The following SMC2 variants were observed in gnomAD, a reference collection of about 807,000 sequenced individuals.
SMC2 encodes the protein structural maintenance of chromosomes 2, also known as structural maintenance of chromosomes protein 2.
A neutral mutation model predicts 142.6 loss-of-function variants in SMC2; 41 were observed. That is an observed-to-expected ratio of 0.29 (90% confidence interval 0.22 to 0.37). SMC2 has a LOEUF of 0.37. SMC2 is among the 10% of genes least tolerant of loss of function. SMC2 has a pLI of 1.00. For synonymous variants in SMC2, 463 were observed against 457.5 expected (o/e 1.01, Z -0.15); for missense variants, 1,265 against 1,373.7 (o/e 0.92, Z 1.25).
upstream of SMC2, among the ~76,000 whole-genome samples, chr9:104,089,317 C>G (rs1218312176): frequency 6.6e-6 from 1 of 151,970 alleles, no homozygotes; most frequent in African/African-American, 2.4e-5. Flanking sequence ...AACAAAAAAT[C>G]TGAGAGTGAA....
chr9:104,138,317 G>A, intron 24 of SMC2, 152 bp downstream of exon 24: 3 of 590,990 alleles, frequency 5.1e-6, no homozygotes, highest in East Asian at 6.6e-5. Context: ...TGTTTAAATA[G>A]GTATAGAAGG....
chr9:104,102,257 T>A, intron 8 of SMC2, 64 bp downstream of exon 8: 1 of 1,097,538 alleles, frequency 9.1e-7, no homozygotes, highest in Non-Finnish European at 1.3e-6. Flanking sequence ...TTATATATAG[T>A]AACTATTTAG....
At chr9:104,104,039 C>T (rs1278547427) in intron 9 of SMC2, among the ~76,000 whole-genome samples, 1 of 151,974 alleles carries the variant, frequency 6.6e-6, no homozygotes, top group Non-Finnish European at 1.5e-5. Flanking sequence ...CCTTTTTCAT[C>T]CTTCTTTTCT....
chr9:104,131,887 T>C (rs1835015562), intron 21 of SMC2, 122 bp from the exon 22 acceptor site: 1 of 593,400 alleles, frequency 1.7e-6, no homozygotes. Context: ...TTATATCTTT[T>C]TGGTAAATAG....
rs1406435484 is a variant in SMC2 at position 104,139,822 on chromosome 9, C to G, written c.*507C>G. 6.6e-6 allele frequency: 1 copy of G among 152,324 alleles called. No individual in the cohort carries two copies. The highest frequency in any genetic ancestry group is 1.5e-5 in the Non-Finnish European group (1 of 68,190). 9.4% of individuals were successfully genotyped at this position (152,324 alleles called of 1,614,324 possible). ...GTTTGAGGCTAGTTTTTTAAGGCCA[C>G]AACTCCAGACCCCTGATTTAGACTG... On this transcript the variant is annotated 3_prime_UTR_variant, in exon 25 of 25. Transcript: ENST00000374793.
At chr9:104,125,135 C>T (rs769463747) in intron 18 of SMC2, 30 bp downstream of exon 18, 3 of 1,495,258 alleles carry the variant, frequency 2.0e-6, no homozygotes, top group Non-Finnish European at 2.7e-6. Context: ...ATTGAACCAA[C>T]CTTTTAAAGT....
At chr9:104,133,197 G>A (rs567955034) in intron 22 of SMC2, among the ~76,000 whole-genome samples, 13 of 151,622 alleles carry the variant, frequency 8.6e-5, no homozygotes, top group African/African-American at 2.9e-4. Context: ...TCTTTATATC[G>A]ATCTATGAAT....
intron 14 of SMC2, 46 bp downstream of exon 14, chr9:104,116,365 GTTTT>G (rs752567664): frequency 6.6e-7 from 1 of 1,516,726 alleles, no homozygotes; most frequent in Non-Finnish European, 8.8e-7. Flanking sequence ...GTCATCTGTG[GTTTT>G]TTTAAGTTAG....
At position 104,139,356 on chromosome 9, in the gene SMC2, T is replaced by C; in HGVS notation, c.*41T>C. ...CTTCATCTTGACCTGTTTTTTTAAA[T>C]GTAAACTTTTAAGGACTTGAGATAA... is the stretch of plus-strand genomic sequence containing the variant. On this transcript the variant is annotated 3_prime_UTR_variant, in exon 25 of 25. Transcript: ENST00000374793. The C allele has an allele frequency of 6.6e-7, 1 of 1,512,232 alleles. No homozygotes were observed. Among genetic ancestry groups the C allele is most frequent in the Non-Finnish European group, 8.9e-7 (1 of 1,126,150 alleles). The allele number at this position is 1,512,232 out of a possible 1,614,324, so 93.7% of individuals were successfully genotyped here.
chr9:104,139,150 G>T lies in SMC2; in HGVS notation c.3429G>T (p.Val1143=). ...CTTTTTTCCTTAAGTTCATTGTGGT[G>T]TCACTAAAAGAAGGTATGTTCAACA... is the stretch of plus-strand genomic sequence containing the variant. The part of the protein sequence containing the change: ...THFTHSQFIV[V]SLKEGMFNNA... Residue 1143 remains valine, a synonymous_variant, in exon 25 of 25, where the codon GTG becomes GTT. Coordinates refer to ENST00000374793, the MANE Select transcript of SMC2 (RefSeq NM_006444.3). 3 of 1,556,308 alleles carry T rather than the reference G, an allele frequency of 1.9e-6. No individual in the cohort carries two copies. Among genetic ancestry groups the T allele is most frequent in the Non-Finnish European group, 2.6e-6 (3 of 1,161,546 alleles).
At chr9:104,113,501 A>G (rs762262590) in intron 11 of SMC2, 26 bp downstream of exon 11, 1 of 1,558,718 alleles carries the variant, frequency 6.4e-7, no homozygotes, top group Admixed American at 1.9e-5. Flanking sequence ...CATGATAATC[A>G]GATCATGAGG....
In SMC2 at chr9:104,138,080, T is replaced by C; in HGVS notation, c.3332T>C (p.Ile1111Thr). 6.2e-7 allele frequency: 1 copy of C among 1,610,536 alleles called. No homozygotes were observed. The highest frequency in any genetic ancestry group is 8.5e-7 in the Non-Finnish European group (1 of 1,177,712). The change falls in exon 24 of 25, where the codon ATC becomes ACC. Residue 1111 changes from isoleucine (I) to threonine (T), a missense_variant. Physicochemically the swap from Ile to Thr is moderately conservative, Grantham distance 89. Transcript: ENST00000374793. The part of the protein sequence containing the change: ...MLLFKPAPIY[I>T]LDEVDAALDL... ...CTCTTCAAACCTGCTCCAATTTATA[T>C]CCTTGATGAGGTAGATGCAGCCTTG...
intron 12 of SMC2, among the ~76,000 whole-genome samples, 172 bp downstream of exon 12, chr9:104,114,253 T>C (rs1204116393): frequency 1.3e-5 from 2 of 152,194 alleles, no homozygotes; most frequent in African/African-American, 4.8e-5. Flanking sequence ...ATGTTTTAAA[T>C]GTTGGCAGGG....
chr9:104,099,026 C>T (rs932104870), intron 4 of SMC2, among the ~76,000 whole-genome samples: 8 of 152,030 alleles, frequency 5.3e-5, no homozygotes, highest in African/African-American at 1.7e-4. Flanking sequence ...ATAGTAAAGT[C>T]GATGGGAGCA....
chr9:104,102,289 C>T (rs2274725), intron 8 of SMC2, 96 bp downstream of exon 8: 559,427 of 1,059,822 alleles, frequency 0.53, 152,752 homozygotes, highest in Middle Eastern at 0.59. Flanking sequence ...CATTGTCTTC[C>T]GTATTGATTT....
chr9:104,118,144 T>C (rs1833338623), intron 14 of SMC2, 27 bp from the exon 15 acceptor site: 5 of 1,591,564 alleles, frequency 3.1e-6, no homozygotes, highest in South Asian at 1.1e-5. Context: ...TAGTATGTAC[T>C]GTGGCATATC....
At position 104,102,050 on chromosome 9, in the gene SMC2, G is replaced by A. The variant is rs767457806; in HGVS notation, c.727G>A (p.Glu243Lys). The change falls in exon 8 of 25, where the codon GAA becomes AAA. Residue 243 changes from glutamate (E) to lysine (K), a missense_variant. By Grantham distance (56) the Glu-to-Lys change is moderately conservative (BLOSUM62 1). Transcript: ENST00000374793. ...TATTGCTTATCAGTTTTTGCTGGCT[G>A]AAGATACCAAAGTACGCTCAGCTGA... is the stretch of plus-strand genomic sequence containing the variant. The part of the protein sequence containing the change: ...LYIAYQFLLA[E>K]DTKVRSAEEL... 111 of 1,612,406 alleles carry A rather than the reference G, an allele frequency of 6.9e-5. No individual in the cohort carries two copies. Among genetic ancestry groups the A allele is most frequent in the Non-Finnish European group, 1.4e-5 (17 of 1,179,002 alleles).
upstream of SMC2, among the ~76,000 whole-genome samples, chr9:104,091,097 T>C (rs895707330): frequency 7.2e-5 from 11 of 152,220 alleles, no homozygotes; most frequent in African/African-American, 2.7e-4. Flanking sequence ...AAACAGGTTA[T>C]ATTCGGTGAA....
intron 3 of SMC2, 105 bp from the exon 4 acceptor site, chr9:104,098,341 A>T: frequency 1.1e-6 from 1 of 940,352 alleles, no homozygotes; most frequent in Non-Finnish European, 1.5e-6. Flanking sequence ...GGTTTTGTTT[A>T]CTGCTAGTCA....
Sources: allele counts gnomAD v4.1 joint callset (sites outside exome capture counted in the v4.1 genomes callset), GRCh38; gene constraint gnomAD v4.1.1; transcripts MANE v1.5; gene names NCBI Gene and HGNC (gene_info 2026-07-23, HGNC 2026-07-21).